The following NBAS variants were observed in gnomAD, a reference collection of about 807,000 sequenced individuals.
NBAS encodes NAG/BC035112 fusion.
NBAS carries 219 observed loss-of-function variants against 302.5 expected under a neutral mutation model. The observed-to-expected ratio is 0.72, with a 90% CI of 0.65 to 0.81. The LOEUF (loss-of-function observed/expected upper bound fraction) is 0.81. Ranked by LOEUF, NBAS falls within the 30% of genes least tolerant of loss-of-function variation. The pLI is 0.00. For missense variants in NBAS, 2,932 were observed against 2,841.6 expected, an observed-to-expected ratio of 1.03 and a Z score of -0.72; for synonymous variants, 1,118 against 1,021.6, an observed-to-expected ratio of 1.09 and a Z score of -1.80.
At chr2:15,260,205 T>C (rs1347916449) in intron 44 of NBAS, among the ~76,000 whole-genome samples, 2 of 152,200 alleles carry the variant, frequency 1.3e-5, no homozygotes, top group Non-Finnish European at 2.9e-5. Context: ...GTGTGAGAGG[T>C]AATCAGGTGA....
At chr2:14,984,157 C>T in the NBAS span, among the ~76,000 whole-genome samples, 1 of 152,076 alleles carries the variant, frequency 6.6e-6, no homozygotes, top group Admixed American at 6.6e-5. Context: ...CATTCAGCGC[C>T]CTCTGCCCAA....
chr2:14,810,788 T>C, the NBAS span, among the ~76,000 whole-genome samples: 1 of 152,176 alleles, frequency 6.6e-6, no homozygotes, highest in African/African-American at 2.4e-5. Flanking sequence ...AAAAGCATGA[T>C]AAGTAACATC....
At chr2:14,789,279 G>A in the NBAS span, among the ~76,000 whole-genome samples, 814 of 152,260 alleles carry the variant, frequency 5.3e-3, 4 homozygotes, top group African/African-American at 0.018. Flanking sequence ...GACCCCTTGC[G>A]CTTCCCAAGT....
intron 12 of NBAS, among the ~76,000 whole-genome samples, chr2:15,485,250 T>C (rs1230284002): frequency 6.6e-6 from 1 of 151,948 alleles, no homozygotes; most frequent in Non-Finnish European, 1.5e-5. Flanking sequence ...GTCTCTGTGT[T>C]TTTAAAGATC....
At chr2:15,124,626 C>G in the NBAS span, among the ~76,000 whole-genome samples, 51 of 152,348 alleles carry the variant, frequency 3.3e-4, no homozygotes, top group Non-Finnish European at 6.3e-4. Flanking sequence ...TTTCAGGGGG[C>G]AGGCCCAGGG....
the NBAS span, among the ~76,000 whole-genome samples, chr2:15,139,378 A>G: frequency 6.6e-6 from 1 of 152,196 alleles, no homozygotes; most frequent in Non-Finnish European, 1.5e-5. Flanking sequence ...GTCTTCCAGG[A>G]AGCTTGGAGT....
chr2:14,837,744 T>A, the NBAS span, among the ~76,000 whole-genome samples: 1 of 151,936 alleles, frequency 6.6e-6, no homozygotes, highest in East Asian at 1.9e-4. Context: ...CCTAAAAAAA[T>A]TATATTTTCA....
At chr2:15,467,254 G>T in intron 19 of NBAS, 75 bp downstream of exon 19, 1 of 1,084,154 alleles carries the variant, frequency 9.2e-7, no homozygotes, top group East Asian at 2.4e-5. Flanking sequence ...AAGAATATCC[G>T]ATATTAGGGC....
rs772472509 is a variant in NBAS at position 15,478,231 on chromosome 2, AT to A, written c.1141del (p.Ile381SerfsTer10). The stretch of plus-strand genomic sequence containing the variant: ...TCACATTTCGTAGAACTCACCTTTG[AT>A]TTTTTTTCTCTTCTCAGTAGAGAGC... ...WRLSTEKRKK[I>X]KDKESFYPLI... On this transcript the variant is annotated frameshift_variant, in exon 13 of 52. Coordinates refer to ENST00000281513, the MANE Select transcript of NBAS (RefSeq NM_015909.4). LOFTEE classifies it high-confidence loss of function. 6 of 1,593,728 alleles carry A rather than the reference AT, an allele frequency of 3.8e-6. No individual in the cohort carries two copies. Among genetic ancestry groups the A allele is most frequent in the South Asian group, 1.1e-5 (1 of 90,558 alleles).
intron 6 of NBAS, among the ~76,000 whole-genome samples, chr2:15,539,857 TACAC>T (rs149929250): frequency 6.0e-5 from 9 of 150,820 alleles, no homozygotes; most frequent in Admixed American, 1.3e-4. Flanking sequence ...TATATATATA[TACAC>T]ACACACACAC....
chr2:14,861,585 G>A, the NBAS span, among the ~76,000 whole-genome samples: 9 of 152,324 alleles, frequency 5.9e-5, no homozygotes, highest in African/African-American at 2.2e-4. Flanking sequence ...AGCAGACATA[G>A]CTCTTCAACA....
chr2:15,100,477 A>T, the NBAS span, among the ~76,000 whole-genome samples: 5,875 of 152,306 alleles, frequency 0.039, 168 homozygotes, highest in South Asian at 0.11. Context: ...GGAAAAGGGA[A>T]ATTTAAAATA....
intron 50 of NBAS, among the ~76,000 whole-genome samples, chr2:15,185,609 T>C (rs2125130271): frequency 6.6e-6 from 1 of 152,214 alleles, no homozygotes; most frequent in East Asian, 1.9e-4. Context: ...GCAGAGCAGA[T>C]CACGGGTTCA....
chr2:15,085,805 C>G, the NBAS span, among the ~76,000 whole-genome samples: 1 of 152,204 alleles, frequency 6.6e-6, no homozygotes, highest in African/African-American at 2.4e-5. Context: ...GGGGTGCACA[C>G]GCTGGGGGCA....
chr2:15,558,851 T>C (rs189727310), intron 1 of NBAS, among the ~76,000 whole-genome samples: 6 of 152,166 alleles, frequency 3.9e-5, no homozygotes, highest in Non-Finnish European at 8.8e-5. Context: ...GGCTGACTGC[T>C]TGAGCCCAGG....
the NBAS span, among the ~76,000 whole-genome samples, chr2:14,918,998 G>A: frequency 6.6e-6 from 1 of 152,014 alleles, no homozygotes; most frequent in South Asian, 2.1e-4. Context: ...GGGAGGGAGG[G>A]TACAGAAGAC....
intron 40 of NBAS, among the ~76,000 whole-genome samples, chr2:15,303,006 C>A (rs1670875720): frequency 6.6e-6 from 1 of 152,214 alleles, no homozygotes; most frequent in African/African-American, 2.4e-5. Context: ...CTTTCAGCTG[C>A]AGACTGGAGA....
chr2:14,986,245 T>C, the NBAS span, among the ~76,000 whole-genome samples: 1 of 151,702 alleles, frequency 6.6e-6, no homozygotes, highest in Non-Finnish European at 1.5e-5. Flanking sequence ...AAAAAACCTG[T>C]TTTCAACTAA....
rs187016432 is a variant in NBAS at position 15,440,079 on chromosome 2, G to A, written c.2340-12285C>T. ...CTGTAGGCTCCATCTCTGGGGGCAG[G>A]GCACAGACAAACTAAAAGACAGCAG... On this transcript the variant is annotated intron_variant, in intron 21 of 51. Coordinates refer to ENST00000281513, the MANE Select transcript of NBAS (RefSeq NM_015909.4). Among the ~76,000 whole-genome samples the A allele has an allele frequency of 1.4e-4, 21 of 152,358 alleles. No homozygotes were observed. The East Asian group carries it at 2.3e-3, about 17-fold the overall frequency.
Sources: allele counts gnomAD v4.1 joint callset (sites outside exome capture counted in the v4.1 genomes callset), GRCh38; gene constraint gnomAD v4.1.1; transcripts MANE v1.5; gene names NCBI Gene and HGNC (gene_info 2026-07-23, HGNC 2026-07-21).